CHST9: variants seen among roughly 807,000 people sequenced by gnomAD.
CHST9 encodes the protein GalNAc-4-sulfotransferase 2.
CHST9 carries 41 observed loss-of-function variants against 44.4 expected under a neutral mutation model. The observed-to-expected ratio is 0.92, with a 90% confidence interval of 0.72 to 1.20. The LOEUF is 1.20. Ranked by LOEUF, CHST9 falls within the 50% of genes most tolerant of loss-of-function variation. CHST9 has a pLI of 0.00. For missense variants in CHST9, 504 were observed against 516.5 expected, an observed-to-expected ratio of 0.98 and a Z score of 0.23; for synonymous variants, 171 against 178.4, an observed-to-expected ratio of 0.96 and a Z score of 0.33.
chr18:26,960,557 G>A (rs1001868434), intron 4 of CHST9, among the ~76,000 whole-genome samples: 7 of 152,170 alleles, frequency 4.6e-5, no homozygotes, highest in South Asian at 2.1e-4. Context: ...AGAATTTATC[G>A]GAGAACAACA....
chr18:26,963,612 C>A (rs1294034832), intron 4 of CHST9, among the ~76,000 whole-genome samples: 1 of 150,574 alleles, frequency 6.6e-6, no homozygotes, highest in African/African-American at 2.4e-5. Flanking sequence ...TTCAGTGTCT[C>A]TACAAATGAA....
chr18:27,023,881 T>C (rs2057253066), intron 4 of CHST9, among the ~76,000 whole-genome samples: 1 of 152,198 alleles, frequency 6.6e-6, no homozygotes, highest in Non-Finnish European at 1.5e-5. Flanking sequence ...TCAGAGCCTT[T>C]AGTTTCCTTT....
At chr18:27,058,360 G>A (rs1449427677) in intron 2 of CHST9, among the ~76,000 whole-genome samples, 1 of 152,056 alleles carries the variant, frequency 6.6e-6, no homozygotes, top group East Asian at 1.9e-4. Context: ...TTTTCATAAT[G>A]TTTATTCACT....
intron 1 of CHST9, among the ~76,000 whole-genome samples, chr18:27,177,247 T>C (rs2058875635): frequency 6.6e-6 from 1 of 151,998 alleles, no homozygotes. Flanking sequence ...TTACCCTCCT[T>C]CTAATCGACT....
At chr18:27,030,329 A>T (rs185144236) in intron 3 of CHST9, among the ~76,000 whole-genome samples, 1 of 152,232 alleles carries the variant, frequency 6.6e-6, no homozygotes, top group Non-Finnish European at 1.5e-5. Context: ...GTTGAGATTG[A>T]AAACTTTCTT....
At chr18:27,108,761 A>C (rs1305892626) in intron 2 of CHST9, among the ~76,000 whole-genome samples, 1 of 152,220 alleles carries the variant, frequency 6.6e-6, no homozygotes, top group East Asian at 1.9e-4. Context: ...GATTAATTAA[A>C]CTGCAAACAT....
intron 4 of CHST9, among the ~76,000 whole-genome samples, chr18:27,022,391 G>A (rs1321674575): frequency 6.6e-6 from 1 of 152,026 alleles, no homozygotes; most frequent in Non-Finnish European, 1.5e-5. Flanking sequence ...GTTCCTAAAA[G>A]TTCTCTCCTG....
In CHST9 at chr18:27,182,816, T is replaced by C. The variant is rs1480323710; in HGVS notation, c.-97+2320A>G. 2.6e-5 allele frequency among the ~76,000 whole-genome samples: 4 copies of C among 152,328 alleles called. No individual in the cohort carries two copies. In the South Asian group the frequency reaches 8.3e-4, roughly 32 times the overall value. ...ATAACAGGTAAACATGTTATTCATA[T>C]CCTATCTCACATCCTATGCTATTCA... is the stretch of plus-strand genomic sequence containing the variant. On this transcript the variant is annotated intron_variant, in intron 1 of 5. Coordinates refer to ENST00000618847, the MANE Select transcript of CHST9 (RefSeq NM_031422.6).
rs1485534683 is a variant in CHST9 at position 26,910,085 on chromosome 18, G to A, written c.*6174C>T. On this transcript the variant is annotated 3_prime_UTR_variant, in exon 6 of 6. Coordinates refer to ENST00000618847, the MANE Select transcript of CHST9 (RefSeq NM_031422.6). ...CTGTCCCTAGATACTAGAGCTCCAA[G>A]AGCCTGGGAGAATGACTCATCTCTG... 1 of 152,114 alleles carries A rather than the reference G, an allele frequency of 6.6e-6. No individual in the cohort carries two copies. Among genetic ancestry groups the A allele is most frequent in the Non-Finnish European group, 1.5e-5 (1 of 68,040 alleles). The allele number at this position is 152,114 out of a possible 1,614,324, so 9.4% of individuals were successfully genotyped here.
chr18:27,145,520 T>C (rs946639151), intron 1 of CHST9, among the ~76,000 whole-genome samples: 1 of 152,210 alleles, frequency 6.6e-6, no homozygotes, highest in African/African-American at 2.4e-5. Context: ...AACTCTGACC[T>C]GGAAGGGGCC....
At chr18:27,042,680 A>G (rs948304558) in intron 3 of CHST9, among the ~76,000 whole-genome samples, 1 of 152,076 alleles carries the variant, frequency 6.6e-6, no homozygotes, top group African/African-American at 2.4e-5. Context: ...AAAGGCTCAA[A>G]TAGAAGATAC....
At chr18:27,068,348 C>A (rs2057804021) in intron 2 of CHST9, among the ~76,000 whole-genome samples, 2 of 151,882 alleles carry the variant, frequency 1.3e-5, no homozygotes, top group African/African-American at 4.8e-5. Flanking sequence ...TTTCTTTGAA[C>A]ATTTAAGATG....
chr18:27,138,201 A>G (rs2058533120), intron 2 of CHST9, among the ~76,000 whole-genome samples: 1 of 152,014 alleles, frequency 6.6e-6, no homozygotes, highest in Non-Finnish European at 1.5e-5. Flanking sequence ...TCTCCCTTAC[A>G]ATTCATTTGA....
rs976569305 is a variant in CHST9 at position 27,044,063 on chromosome 18, C to CT, written c.160+4401_160+4402insA. Among the ~76,000 whole-genome samples, 5 of 149,210 alleles carry CT rather than the reference C, an allele frequency of 3.4e-5. No homozygotes were observed. In the Admixed American group the frequency reaches 3.4e-4, roughly 10 times the overall value. On this transcript the variant is annotated intron_variant, in intron 3 of 5. Coordinates refer to ENST00000618847, the MANE Select transcript of CHST9 (RefSeq NM_031422.6). ...ACTCCTTTGGACAGCGAGCCCTTCCCCCCCCTTTATTTTAACCTGGTAAAC... is the reference window on the plus strand; with the variant it reads ...ACTCCTTTGGACAGCGAGCCCTTCCCTCCCCCTTTATTTTAACCTGGTAAAC...
chr18:27,131,406 C>G (rs111855417), intron 2 of CHST9, among the ~76,000 whole-genome samples: 42 of 152,216 alleles, frequency 2.8e-4, no homozygotes, highest in African/African-American at 9.6e-4. Flanking sequence ...AGAAAATTAG[C>G]TGGGCGTGGT....
chr18:27,034,461 A>T (rs942987653), intron 3 of CHST9, among the ~76,000 whole-genome samples: 1 of 152,072 alleles, frequency 6.6e-6, no homozygotes, highest in Admixed American at 6.6e-5. Flanking sequence ...CAGAGAGCTT[A>T]AAAAAAATTT....
At chr18:27,096,076 C>G (rs539277282) in intron 2 of CHST9, among the ~76,000 whole-genome samples, 3 of 152,114 alleles carry the variant, frequency 2.0e-5, no homozygotes, top group Non-Finnish European at 2.9e-5. Context: ...AGAAATCATA[C>G]CAGTCATACT....
At chr18:27,033,513 T>C (rs777023360) in intron 3 of CHST9, among the ~76,000 whole-genome samples, 16 of 152,236 alleles carry the variant, frequency 1.1e-4, no homozygotes, top group Non-Finnish European at 1.9e-4. Context: ...CTACTTCTGA[T>C]AAAATGATGC....
chr18:27,173,154 AG>A (rs1401085476), intron 1 of CHST9, among the ~76,000 whole-genome samples: 1 of 152,086 alleles, frequency 6.6e-6, no homozygotes, highest in African/African-American at 2.4e-5. Context: ...TCCCTGTCAT[AG>A]AACCTGTACT....
Sources: allele counts gnomAD v4.1 joint callset (sites outside exome capture counted in the v4.1 genomes callset), GRCh38; gene constraint gnomAD v4.1.1; transcripts MANE v1.5; gene names NCBI Gene and HGNC (gene_info 2026-07-23, HGNC 2026-07-21).